CNTNAP4: variants seen among roughly 807,000 people sequenced by gnomAD.
CNTNAP4 encodes contactin-associated protein-like 4.
In CNTNAP4, 98 loss-of-function variants were observed where a neutral mutation model predicts 148.4. The ratio of observed to expected loss-of-function variants is 0.66; its 90% CI spans 0.56 to 0.78. The LOEUF is 0.78. Among genes scored for constraint, CNTNAP4 ranks in the 30% least tolerant of loss-of-function variants. The pLI, the probability that CNTNAP4 is intolerant of heterozygous loss-of-function variation, is 0.00. For missense variants in CNTNAP4, 1,935 were observed against 1,565.6 expected, an observed-to-expected ratio of 1.24 and a Z score of -3.98; for synonymous variants, 730 against 565.1, an observed-to-expected ratio of 1.29 and a Z score of -4.14.
chr16:76,434,477 C>T (rs12919972), intron 4 of CNTNAP4, among the ~76,000 whole-genome samples: 52,263 of 152,058 alleles, frequency 0.34, 10,925 homozygotes, highest in Non-Finnish European at 0.44. Context: ...AGTACAACAG[C>T]TGCAATTGCA....
chr16:76,449,984 T>G, intron 7 of CNTNAP4, 126 bp downstream of exon 7: 1 of 760,684 alleles, frequency 1.3e-6, no homozygotes. Context: ...ATATTTTTCT[T>G]TGATTGGCAA....
chr16:76,311,422 A>G (rs1024194378), intron 1 of CNTNAP4, among the ~76,000 whole-genome samples: 4 of 152,152 alleles, frequency 2.6e-5, no homozygotes, highest in Non-Finnish European at 5.9e-5. Flanking sequence ...ACGGAAAGCC[A>G]TAGATTTGTA....
chr16:76,526,165 G>A lies in CNTNAP4; in HGVS notation c.2755+3908G>A, dbSNP rs1276810275. On this transcript the variant is annotated intron_variant, in intron 17 of 23. Transcript: ENST00000611870. The stretch of plus-strand genomic sequence containing the variant: ...CATTAGCAGAGTCCTCCTAATTTGA[G>A]CAGAGGCCAGATGAAACAGAAGAGA... Among the ~76,000 whole-genome samples the A allele has an allele frequency of 5.3e-5, 8 of 152,054 alleles. No individual in the cohort carries two copies. In the South Asian group the frequency reaches 1.7e-3, roughly 31 times the overall value.
At chr16:76,311,754 C>T (rs1171337412) in intron 1 of CNTNAP4, among the ~76,000 whole-genome samples, 1 of 152,080 alleles carries the variant, frequency 6.6e-6, no homozygotes, top group Non-Finnish European at 1.5e-5. Flanking sequence ...TACAGACGTC[C>T]ATGAAATGTT....
intron 3 of CNTNAP4, among the ~76,000 whole-genome samples, chr16:76,364,522 C>T (rs1329656815): frequency 6.6e-6 from 1 of 152,038 alleles, no homozygotes; most frequent in Non-Finnish European, 1.5e-5. Context: ...CACATTCTAC[C>T]ATGTGACAAT....
chr16:76,505,499 C>T (rs2082810066), intron 15 of CNTNAP4, among the ~76,000 whole-genome samples: 1 of 96,998 alleles, frequency 1.0e-5, no homozygotes, highest in African/African-American at 2.6e-5. Flanking sequence ...CACAGGGGTA[C>T]AAGAAAACTT....
At chr16:76,495,277 A>G in intron 14 of CNTNAP4, 1 of 352,150 alleles carries the variant, frequency 2.8e-6, no homozygotes, top group Non-Finnish European at 5.1e-6. Context: ...ACCATAAGTC[A>G]TGTATATTTT....
rs2079454933 is a variant in CNTNAP4, at chr16:76,427,578, G to A, written c.517G>A (p.Glu173Lys). ...CAAGGGCAGAATTGGAATGCGAATC[G>A]AAGTGTTCGGATGTGCATACAGTAA... Reference protein sequence around the residue: ...NPKGRIGMRIEVFGCAYRSEV... With the variant: ...NPKGRIGMRIKVFGCAYRSEV... Residue 173 changes from glutamate to lysine, a missense_variant, in exon 4 of 24, where the codon GAA (glutamate) becomes AAA (lysine). Glu to Lys is a moderately conservative substitution (Grantham distance 56). Transcript: ENST00000611870. The A allele has an allele frequency of 8.1e-6, 13 of 1,611,964 alleles. No individual in the cohort carries two copies. The highest frequency in any genetic ancestry group is 1.3e-5 in the African/African-American group (1 of 74,834).
At chr16:76,510,645 G>A (rs369199974) in intron 15 of CNTNAP4, among the ~76,000 whole-genome samples, 24 of 152,036 alleles carry the variant, frequency 1.6e-4, no homozygotes, top group African/African-American at 3.1e-4. Flanking sequence ...CAGTTGTCTC[G>A]TCTTCTACTG....
At chr16:76,333,687 A>G (rs1290738068) in intron 2 of CNTNAP4, among the ~76,000 whole-genome samples, 1 of 150,576 alleles carries the variant, frequency 6.6e-6, no homozygotes, top group Non-Finnish European at 1.5e-5. Context: ...GCCGAAAACT[A>G]GACATTTTGA....
At chr16:76,435,080 G>T (rs779693287) in intron 4 of CNTNAP4, among the ~76,000 whole-genome samples, 26 of 152,106 alleles carry the variant, frequency 1.7e-4, no homozygotes, top group Non-Finnish European at 1.5e-5. Flanking sequence ...ATAGGAGAAA[G>T]ATTAACAGCA....
At chr16:76,466,850 TTAGA>T in intron 9 of CNTNAP4, among the ~76,000 whole-genome samples, 1 of 152,216 alleles carries the variant, frequency 6.6e-6, no homozygotes, top group East Asian at 1.9e-4. Context: ...CAATAATTAA[TTAGA>T]TAAACAGTTG....
intron 2 of CNTNAP4, among the ~76,000 whole-genome samples, chr16:76,337,276 C>A (rs35330137): frequency 6.6e-6 from 1 of 151,966 alleles, no homozygotes; most frequent in Non-Finnish European, 1.5e-5. Context: ...TTCGGGGAAC[C>A]AGCCCCCAGT....
chr16:76,343,571 C>A (rs1160968467), intron 2 of CNTNAP4, among the ~76,000 whole-genome samples: 1 of 152,038 alleles, frequency 6.6e-6, no homozygotes, highest in Non-Finnish European at 1.5e-5. Context: ...GGAGATACAA[C>A]AACAAGGATA....
chr16:76,294,795 A>G (rs958918783), intron 1 of CNTNAP4, among the ~76,000 whole-genome samples: 1 of 152,188 alleles, frequency 6.6e-6, no homozygotes, highest in South Asian at 2.1e-4. Flanking sequence ...GGTACCTGTC[A>G]TTACACATGT....
At chr16:76,328,482 A>G (rs1300121844) in intron 2 of CNTNAP4, among the ~76,000 whole-genome samples, 3 of 152,242 alleles carry the variant, frequency 2.0e-5, no homozygotes, top group African/African-American at 7.2e-5. Flanking sequence ...GACTAAACGC[A>G]ACAACATGAA....
At chr16:76,510,299 G>T (rs552418809) in intron 15 of CNTNAP4, among the ~76,000 whole-genome samples, 2 of 152,074 alleles carry the variant, frequency 1.3e-5, no homozygotes, top group Non-Finnish European at 2.9e-5. Flanking sequence ...TGTCAAGGAG[G>T]TTCATCAGTG....
At chr16:76,333,871 C>T (rs1354701083) in intron 2 of CNTNAP4, among the ~76,000 whole-genome samples, 3 of 147,600 alleles carry the variant, frequency 2.0e-5, no homozygotes, top group Non-Finnish European at 3.0e-5. Context: ...TACAGTCCCA[C>T]CAACAGCGTA....
At chr16:76,500,714 G>C (rs1459801538) in intron 15 of CNTNAP4, among the ~76,000 whole-genome samples, 1 of 151,076 alleles carries the variant, frequency 6.6e-6, no homozygotes, top group African/African-American at 2.4e-5. Context: ...CCTTAAACCA[G>C]AATTTTAAAG....
Sources: allele counts gnomAD v4.1 joint callset (sites outside exome capture counted in the v4.1 genomes callset), GRCh38; gene constraint gnomAD v4.1.1; transcripts MANE v1.5; gene names NCBI Gene and HGNC (gene_info 2026-07-23, HGNC 2026-07-21).